DNAAF1: variants seen among roughly 807,000 people sequenced by gnomAD.
The protein encoded by DNAAF1 is dynein axonemal assembly factor 1.
Under a neutral mutation model 71.1 loss-of-function variants are expected in DNAAF1, and 65 were observed. That is an observed-to-expected ratio of 0.91 (90% confidence interval 0.75 to 1.12). DNAAF1 has a LOEUF of 1.12. Among genes scored for constraint, DNAAF1 ranks in the 50% most tolerant of loss-of-function variants. The pLI, the probability that DNAAF1 is intolerant of heterozygous loss-of-function variation, is 0.00. For synonymous variants in DNAAF1, 414 were observed against 354.6 expected (o/e 1.17, Z -1.88); for missense variants, 1,178 against 899.8 (o/e 1.31, Z -3.96).
chr16:84,152,627 G>A (rs927113065), intron 3 of DNAAF1, among the ~76,000 whole-genome samples: 35 of 134,206 alleles, frequency 2.6e-4, no homozygotes, highest in Admixed American at 1.2e-3. Context: ...CAGCCTAGGC[G>A]ACAGAGCAAG....
intron 11 of DNAAF1, chr16:84,176,588 T>A: frequency 1.9e-6 from 1 of 513,130 alleles, no homozygotes; most frequent in Non-Finnish European, 3.6e-6. Flanking sequence ...CATGCAGATC[T>A]CCTGGGGCGG....
intron 6 of DNAAF1, among the ~76,000 whole-genome samples, chr16:84,163,645 C>G (rs2087824822): frequency 6.6e-6 from 1 of 152,102 alleles, no homozygotes; most frequent in South Asian, 2.1e-4. Context: ...TCCCAAAGTG[C>G]TAGGATTACA....
At chr16:84,150,399 T>C (rs2087127838) in intron 3 of DNAAF1, 57 bp downstream of exon 3, 5 of 1,367,390 alleles carry the variant, frequency 3.7e-6, no homozygotes, top group East Asian at 2.3e-5. Flanking sequence ...TGTCTAGCGG[T>C]ATAAAAAATT....
At chr16:84,165,693 CTTTGAT>C (rs1187740523) in intron 6 of DNAAF1, 84 bp from the exon 7 acceptor site, 2 of 1,300,806 alleles carry the variant, frequency 1.5e-6, no homozygotes, top group African/African-American at 2.9e-5. Flanking sequence ...GCTCACTTTG[CTTTGAT>C]TTTGAAGAAA....
At chr16:84,151,093 A>G (rs993830864) in intron 3 of DNAAF1, among the ~76,000 whole-genome samples, 1 of 152,120 alleles carries the variant, frequency 6.6e-6, no homozygotes, top group Non-Finnish European at 1.5e-5. Context: ...ATATCAATGG[A>G]AGCTCAGGTT....
At position 84,159,851 on chromosome 16, in the gene DNAAF1, T is replaced by C; in HGVS notation, c.863+55T>C. On this transcript the variant is annotated intron_variant, in intron 6 of 11. Coordinates refer to ENST00000378553, the MANE Select transcript of DNAAF1 (RefSeq NM_178452.6). ...TTTAATATTTAGTAGTTGACCATGC[T>C]TAATATTAAACTTTTTAAATTTCTG... 7 of 1,599,204 alleles carry C rather than the reference T, an allele frequency of 4.4e-6. No individual in the cohort carries two copies. The South Asian group carries it at 5.6e-5, about 13-fold the overall frequency.
At chr16:84,147,737 T>A (rs1345317287) in intron 1 of DNAAF1, among the ~76,000 whole-genome samples, 2 of 151,928 alleles carry the variant, frequency 1.3e-5, no homozygotes, top group Non-Finnish European at 2.9e-5. Flanking sequence ...AAGTCTTTTT[T>A]AATTAAAGAA....
chr16:84,172,465 C>T (rs2088414582), intron 9 of DNAAF1, 90 bp downstream of exon 9: 1 of 1,552,790 alleles, frequency 6.4e-7, no homozygotes, highest in Non-Finnish European at 8.7e-7. Flanking sequence ...ACCCTCGATA[C>T]CCCAAGTGTG....
At chr16:84,173,166 A>G in intron 9 of DNAAF1, 1 of 985,738 alleles carries the variant, frequency 1.0e-6, no homozygotes, top group Non-Finnish European at 1.2e-6. Context: ...ATGGCCCAGT[A>G]GGAGTTAAAG....
At chr16:84,174,314 G>C in intron 9 of DNAAF1, 17 of 1,178,264 alleles carry the variant, frequency 1.4e-5, no homozygotes, top group Non-Finnish European at 1.7e-5. Context: ...ACCACATAGA[G>C]TTTTCGGACT....
chr16:84,165,195 C>G (rs1424971093), intron 6 of DNAAF1, among the ~76,000 whole-genome samples: 2 of 152,164 alleles, frequency 1.3e-5, no homozygotes, highest in Admixed American at 6.5e-5. Flanking sequence ...TTCTCCCAGT[C>G]TGTAGCCTGC....
At chr16:84,160,486 A>G (rs1323546135) in intron 6 of DNAAF1, among the ~76,000 whole-genome samples, 1 of 152,250 alleles carries the variant, frequency 6.6e-6, no homozygotes, top group Non-Finnish European at 1.5e-5. Context: ...TAATTAGAAT[A>G]AAATATCAGT....
At chr16:84,169,381 C>G (rs937832413) in intron 7 of DNAAF1, among the ~76,000 whole-genome samples, 4 of 151,804 alleles carry the variant, frequency 2.6e-5, no homozygotes, top group Non-Finnish European at 5.9e-5. Context: ...CTACCATGCC[C>G]AGCGCCTCGA....
At chr16:84,147,025 T>A (rs1019680357) in intron 1 of DNAAF1, among the ~76,000 whole-genome samples, 4 of 152,174 alleles carry the variant, frequency 2.6e-5, no homozygotes, top group African/African-American at 9.7e-5. Context: ...GGGTTCAAGT[T>A]GAGGCTCAGC....
chr16:84,177,572 G>T (rs1196445421), intron 11 of DNAAF1, 157 bp from the exon 12 acceptor site: 10 of 676,464 alleles, frequency 1.5e-5, no homozygotes, highest in Admixed American at 1.2e-4. Flanking sequence ...CAGGTGATCT[G>T]TTTGCCTCGG....
Position 84,171,760 on chromosome 16 carries a change from C to T in DNAAF1, c.1529-500C>T, listed in dbSNP as rs186250401. On this transcript the variant is annotated intron_variant, in intron 8 of 11. Transcript: ENST00000378553. ...CCGGTGCTCTTCATCTCATGGGATT[C>T]GCCTCCAGATTACAGAAAAGGGCAG... 1.3e-3 allele frequency among the ~76,000 whole-genome samples: 192 copies of T among 152,268 alleles called. 1 individual carries two copies. The highest frequency in any genetic ancestry group is 4.3e-3 in the African/African-American group (177 of 41,554).
rs1325784286 is a variant in DNAAF1 at position 84,154,756 on chromosome 16, C to G, written c.532C>G (p.Leu178Val). The change falls in exon 4 of 12, where the codon CTT becomes GTT. Residue 178 changes from leucine to valine, a missense_variant. Coordinates refer to ENST00000378553, the MANE Select transcript of DNAAF1 (RefSeq NM_178452.6). ...GGAACCTCTGCAGAAACTGGATGCT[C>G]TTAACCTCAGCAACAATTACATCAA... ...NLEPLQKLDA[L>V]NLSNNYIKTI... 10 of 1,614,032 alleles carry G rather than the reference C, an allele frequency of 6.2e-6. No homozygotes were observed. The Admixed American group carries it at 6.7e-5, about 11-fold the overall frequency.
chr16:84,148,920 G>A lies in DNAAF1; in HGVS notation c.125-87G>A, dbSNP rs1034058278. 2.7e-6 allele frequency: 4 copies of A among 1,473,204 alleles called. No homozygotes were observed. The East Asian group carries it at 6.8e-5, about 25-fold the overall frequency. 91.3% of individuals were successfully genotyped at this position (1,473,204 alleles called of 1,614,324 possible). A position where few individuals can be genotyped will look rare whatever the true frequency, so the allele number is the denominator to read the frequency against. On this transcript the variant is annotated intron_variant, in intron 1 of 11. Transcript: ENST00000378553. ...AGAATACTGGTGTTCTATACTAAAA[G>A]TGGATGGTCATTAACCAAGCTGAAG...
At chr16:84,173,536 A>G in intron 9 of DNAAF1, 7 of 983,230 alleles carry the variant, frequency 7.1e-6, no homozygotes, top group Non-Finnish European at 8.4e-6. Flanking sequence ...GGAGCTATGT[A>G]AAAAAAAGAA....
Sources: allele counts gnomAD v4.1 joint callset (sites outside exome capture counted in the v4.1 genomes callset), GRCh38; gene constraint gnomAD v4.1.1; transcripts MANE v1.5; gene names NCBI Gene and HGNC (gene_info 2026-07-23, HGNC 2026-07-21).